Variants in SMIM13 observed in about 807,000 individuals in gnomAD.
SMIM13 encodes the protein small integral membrane protein 13.
Under a neutral mutation model 5.9 loss-of-function variants are expected in SMIM13, and 3 were observed. The ratio of observed to expected loss-of-function variants is 0.51; its 90% confidence interval spans 0.23 to 1.31. The LOEUF (loss-of-function observed/expected upper bound fraction) is 1.31. Ranked by LOEUF, SMIM13 falls within the 40% of genes most tolerant of loss-of-function variation. The pLI is 0.18. For synonymous variants in SMIM13, 55 were observed against 46.0 expected (o/e 1.19, Z -0.79); for missense variants, 85 against 109.9 (o/e 0.77, Z 1.01).
At position 11,138,513 on chromosome 6, in the gene SMIM13, C is replaced by T. The variant is rs1277121075; in HGVS notation, c.*3911C>T. The T allele has an allele frequency of 6.6e-6, 1 of 151,954 alleles. No homozygotes were observed. Among genetic ancestry groups the T allele is most frequent in the Non-Finnish European group, 1.5e-5 (1 of 68,004 alleles). The allele number at this position is 151,954 out of a possible 1,614,324, so 9.4% of individuals were successfully genotyped here. A position where few individuals can be genotyped will look rare whatever the true frequency, so the allele number is the denominator to read the frequency against. ...TCTGTGGTCTGCTATGATGCATTGCCATCTTGCTGCTTGACAATAGGTTTA... is the reference window on the plus strand; with the variant it reads ...TCTGTGGTCTGCTATGATGCATTGCTATCTTGCTGCTTGACAATAGGTTTA... On this transcript the variant is annotated 3_prime_UTR_variant, in exon 2 of 2. Coordinates refer to ENST00000416247, the MANE Select transcript of SMIM13 (RefSeq NM_001135575.2).
In SMIM13 at chr6:11,134,776, T is replaced by C. The variant is rs188546403; in HGVS notation, c.*174T>C. 36 of 456,634 alleles carry C rather than the reference T, an allele frequency of 7.9e-5. No individual in the cohort carries two copies. The Admixed American group carries it at 1.2e-3, about 15-fold the overall frequency. The allele number at this position is 456,634 out of a possible 1,614,324, so 28.3% of individuals were successfully genotyped here. A position where few individuals can be genotyped will look rare whatever the true frequency, so the allele number is the denominator to read the frequency against. On this transcript the variant is annotated 3_prime_UTR_variant, in exon 2 of 2. Coordinates refer to ENST00000416247, the MANE Select transcript of SMIM13 (RefSeq NM_001135575.2). ...AGGGAACTGAAACCAAATTGGACTA[T>C]TATAAATTTCATCTTAAAGATAATC...
chr6:11,098,151 C>G (rs1260252211), intron 1 of SMIM13, among the ~76,000 whole-genome samples: 1 of 152,220 alleles, frequency 6.6e-6, no homozygotes, highest in Non-Finnish European at 1.5e-5. Flanking sequence ...CTCTAGAGCT[C>G]TGACAGACTC....
chr6:11,098,524 T>G (rs536239425), intron 1 of SMIM13, among the ~76,000 whole-genome samples: 1 of 152,342 alleles, frequency 6.6e-6, no homozygotes, highest in East Asian at 1.9e-4. Flanking sequence ...CTTCTACTCC[T>G]GGGTCTAAGT....
At chr6:11,127,920 G>A (rs2113666748) in intron 1 of SMIM13, among the ~76,000 whole-genome samples, 1 of 152,310 alleles carries the variant, frequency 6.6e-6, no homozygotes, top group East Asian at 1.9e-4. Context: ...AGGACAGTGG[G>A]CTTCCCTCTG....
chr6:11,099,182 CTT>C, intron 1 of SMIM13, among the ~76,000 whole-genome samples: 1 of 147,852 alleles, frequency 6.8e-6, no homozygotes, highest in South Asian at 2.1e-4. Context: ...ATGCATCAGA[CTT>C]TTTTTTTTTG....
intron 1 of SMIM13, among the ~76,000 whole-genome samples, chr6:11,130,517 C>T (rs772994584): frequency 6.6e-6 from 1 of 152,102 alleles, no homozygotes; most frequent in Non-Finnish European, 1.5e-5. Flanking sequence ...TGGAGTGGCT[C>T]AGCTGGCCAG....
chr6:11,128,525 G>C (rs1221212662), intron 1 of SMIM13, among the ~76,000 whole-genome samples: 1 of 152,168 alleles, frequency 6.6e-6, no homozygotes, highest in Non-Finnish European at 1.5e-5. Context: ...GGTTGCCCCA[G>C]GTGGTGTCTC....
intron 1 of SMIM13, among the ~76,000 whole-genome samples, chr6:11,110,428 C>A (rs1299304386): frequency 6.6e-6 from 1 of 152,186 alleles, no homozygotes; most frequent in African/African-American, 2.4e-5. Context: ...ATGATTATCT[C>A]TTCTCAGATT....
chr6:11,110,829 G>T (rs1326651984), intron 1 of SMIM13, among the ~76,000 whole-genome samples: 4 of 152,188 alleles, frequency 2.6e-5, no homozygotes, highest in Admixed American at 2.6e-4. Flanking sequence ...CCTGCAAACG[G>T]CAGAGAATTT....
At chr6:11,097,982 C>T (rs1316662980) in intron 1 of SMIM13, among the ~76,000 whole-genome samples, 2 of 152,008 alleles carry the variant, frequency 1.3e-5, no homozygotes, top group African/African-American at 2.4e-5. Context: ...TTCATGGACT[C>T]CTCTTCCTTG....
intron 1 of SMIM13, among the ~76,000 whole-genome samples, chr6:11,107,331 G>A (rs577640781): frequency 2.0e-5 from 3 of 152,194 alleles, no homozygotes; most frequent in African/African-American, 7.2e-5. Flanking sequence ...TTTCAGACAC[G>A]TTGTATTCTC....
chr6:11,094,356 A>G lies in SMIM13; in HGVS notation c.43A>G (p.Thr15Ala). Reference protein sequence around the residue: ...VGLTLLVFVATLLIVLLLMVC... With the variant: ...VGLTLLVFVAALLIVLLLMVC... ...GCTGACTCTGCTTGTGTTCGTGGCC[A>G]CGCTGCTGATCGTCCTGCTGCTGAT... Residue 15 changes from threonine (T) to alanine (A), a missense_variant, in exon 1 of 2, where the codon ACG becomes GCG. Transcript: ENST00000416247. 6.5e-7 allele frequency: 1 copy of G among 1,537,380 alleles called. No homozygotes were observed. Among genetic ancestry groups the G allele is most frequent in the Non-Finnish European group, 8.7e-7 (1 of 1,143,884 alleles).
chr6:11,122,558 T>C (rs1163236368), intron 1 of SMIM13, among the ~76,000 whole-genome samples: 1 of 151,786 alleles, frequency 6.6e-6, no homozygotes, highest in Non-Finnish European at 1.5e-5. Flanking sequence ...GGACCAAAGA[T>C]CAGGCCTGTG....
At chr6:11,120,760 A>G (rs1300929416) in intron 1 of SMIM13, among the ~76,000 whole-genome samples, 1 of 152,170 alleles carries the variant, frequency 6.6e-6, no homozygotes, top group African/African-American at 2.4e-5. Flanking sequence ...GTCATGAGTC[A>G]CTGTGTGCCT....
intron 1 of SMIM13, among the ~76,000 whole-genome samples, chr6:11,117,979 G>A (rs183462958): frequency 2.0e-5 from 3 of 152,008 alleles, no homozygotes; most frequent in African/African-American, 4.8e-5. Context: ...CAGGTGACCC[G>A]CCCGCCTCGG....
intron 1 of SMIM13, chr6:11,105,343 C>A (rs750038958): frequency 2.7e-5 from 42 of 1,529,746 alleles, no homozygotes; most frequent in Non-Finnish European, 3.8e-5. Context: ...ACAAAACGAG[C>A]TGCCAATGGA....
chr6:11,124,467 G>T (rs1047080364), intron 1 of SMIM13, among the ~76,000 whole-genome samples: 1 of 152,162 alleles, frequency 6.6e-6, no homozygotes, highest in Non-Finnish European at 1.5e-5. Flanking sequence ...GGGAATGTAG[G>T]TATCTCTTCA....
rs1246440999 is a variant in SMIM13, at chr6:11,134,407, G to A, written c.81G>A (p.Trp27Ter). 6.5e-7 allele frequency: 1 copy of A among 1,550,250 alleles called. No homozygotes were observed. Among genetic ancestry groups the A allele is most frequent in the Non-Finnish European group, 8.7e-7 (1 of 1,146,222 alleles). ...LIVLLLMVCGWYFVWHLFLSK... is the reference protein window; with the variant it reads ...LIVLLLMVCG ...TGTTTTTGTCTTTCTCTGTAGGTTG[G>A]TATTTTGTATGGCATCTTTTTTTAT... The change falls in exon 2 of 2, where the codon TGG becomes TGA. Residue 27 changes from tryptophan (W) to a stop codon, truncating the protein, a stop_gained. Coordinates refer to ENST00000416247, the MANE Select transcript of SMIM13 (RefSeq NM_001135575.2). LOFTEE classifies it high-confidence loss of function.
In SMIM13 at chr6:11,134,716, TA is replaced by T; in HGVS notation, c.*120del. The stretch of plus-strand genomic sequence containing the variant: ...TTGTATTGGATTTTAAGTCGAATTT[TA>T]AAAAAGATTTACATGTAAGCCATAT... On this transcript the variant is annotated 3_prime_UTR_variant, in exon 2 of 2. Coordinates refer to ENST00000416247, the MANE Select transcript of SMIM13 (RefSeq NM_001135575.2). 1 of 841,652 alleles carries T rather than the reference TA, an allele frequency of 1.2e-6. No individual in the cohort carries two copies. The highest frequency in any genetic ancestry group is 1.7e-5 in the African/African-American group (1 of 57,212). 52.1% of individuals were successfully genotyped at this position (841,652 alleles called of 1,614,324 possible). A position where few individuals can be genotyped will look rare whatever the true frequency, so the allele number is the denominator to read the frequency against.
Sources: gnomAD v4.1 joint callset for allele counts (sites outside exome capture counted in the v4.1 genomes callset) on GRCh38, gnomAD v4.1.1 for gene constraint, MANE v1.5 for transcripts, NCBI Gene and HGNC (gene_info 2026-07-23, HGNC 2026-07-21) for gene names.